Variants in CAP2 observed in about 807,000 individuals in gnomAD.
CAP2 encodes cyclase associated actin cytoskeleton regulatory protein 2.
CAP2 carries 24 observed loss-of-function variants against 57.7 expected under a neutral mutation model. That is an observed-to-expected ratio of 0.42 (90% CI 0.30 to 0.58). The LOEUF (loss-of-function observed/expected upper bound fraction) is 0.58. Ranked by LOEUF, CAP2 falls within the 20% of genes least tolerant of loss-of-function variation. CAP2 has a pLI of 0.22. For missense variants in CAP2, 501 were observed against 590.3 expected, an observed-to-expected ratio of 0.85 and a Z score of 1.57; for synonymous variants, 194 against 207.2, an observed-to-expected ratio of 0.94 and a Z score of 0.55.
At position 17,513,604 on chromosome 6, in the gene CAP2, GGT is replaced by G. The variant is rs1356725714; in HGVS notation, c.531-244_531-243del. 9.9e-5 allele frequency among the ~76,000 whole-genome samples: 15 copies of G among 152,024 alleles called. 1 individual carries two copies. The highest frequency in any genetic ancestry group is 9.8e-4 in the Admixed American group (15 of 15,272). On this transcript the variant is annotated intron_variant, in intron 6 of 12. Coordinates refer to ENST00000229922, the MANE Select transcript of CAP2 (RefSeq NM_006366.3). The surrounding 1 kb of genome is among the most constrained non-coding windows in gnomAD (Gnocchi z 4.3). ...TAGCTCTGTCGGGTCCCCTCTCTGTGGTACCTCTGCTCCATACCCGGAGCTCA... is the reference window on the plus strand; with the variant it reads ...TAGCTCTGTCGGGTCCCCTCTCTGTGACCTCTGCTCCATACCCGGAGCTCA...
At chr6:17,548,291 TG>T (rs2113708573) in intron 11 of CAP2, among the ~76,000 whole-genome samples, 1 of 150,884 alleles carries the variant, frequency 6.6e-6, no homozygotes, top group South Asian at 2.1e-4. Context: ...CGCTTGAACC[TG>T]GGAGGCGGAG....
chr6:17,542,352 C>T (rs1364048752), intron 9 of CAP2, among the ~76,000 whole-genome samples: 1 of 152,170 alleles, frequency 6.6e-6, no homozygotes, highest in Non-Finnish European at 1.5e-5. Flanking sequence ...ATAGACACTT[C>T]AAATGGTAAT....
intron 8 of CAP2, 147 bp downstream of exon 8, chr6:17,539,605 A>C (rs1762852858): frequency 1.5e-6 from 1 of 651,522 alleles, no homozygotes; most frequent in African/African-American, 1.8e-5. Flanking sequence ...CTGGGAAGAC[A>C]GGAGCCTGCC....
At chr6:17,542,461 AC>A (rs137964539) in intron 9 of CAP2, among the ~76,000 whole-genome samples, 24,514 of 152,072 alleles carry the variant, frequency 0.16, 3,179 homozygotes, top group African/African-American at 0.36. Context: ...AAGGGCTTAG[AC>A]CACTGCTGTG....
intron 3 of CAP2, among the ~76,000 whole-genome samples, chr6:17,435,908 T>C (rs1759867634): frequency 6.6e-6 from 1 of 152,138 alleles, no homozygotes; most frequent in South Asian, 2.1e-4. Flanking sequence ...CATAAGCATG[T>C]ATTTTCTATA....
chr6:17,507,617 T>C (rs1242973917), intron 5 of CAP2, 24 bp from the exon 6 acceptor site: 1 of 1,399,364 alleles, frequency 7.1e-7, no homozygotes, highest in African/African-American at 1.4e-5. Flanking sequence ...CTTCTATGCT[T>C]GGGTGACGGT....
At chr6:17,424,174 G>A (rs964206355) in intron 2 of CAP2, among the ~76,000 whole-genome samples, 11 of 152,116 alleles carry the variant, frequency 7.2e-5, no homozygotes, top group African/African-American at 2.4e-4. Context: ...GCCGCGGCGA[G>A]CCGATCACGA....
rs547430447 is a variant in CAP2, at chr6:17,438,698, C to T, written c.222+12008C>T. The stretch of plus-strand genomic sequence containing the variant: ...TTGTGATCCGCCCACCTCGGCCTCC[C>T]AAAGTGCTGGGATTATAGGTGTGAG... On this transcript the variant is annotated intron_variant, in intron 3 of 12. Transcript: ENST00000229922. Among the ~76,000 whole-genome samples, 48 of 148,764 alleles carry T rather than the reference C, an allele frequency of 3.2e-4. 1 individual carries two copies. The highest frequency in any genetic ancestry group is 1.2e-3 in the African/African-American group (47 of 39,806).
intron 7 of CAP2, chr6:17,536,253 AG>A: frequency 2.2e-6 from 1 of 456,764 alleles, no homozygotes; most frequent in Non-Finnish European, 4.4e-6. Flanking sequence ...GAAGAGACGG[AG>A]GCAAAGATAA....
intron 7 of CAP2, among the ~76,000 whole-genome samples, chr6:17,515,054 C>T (rs956587203): frequency 5.9e-5 from 9 of 151,678 alleles, no homozygotes; most frequent in South Asian, 2.1e-4. Flanking sequence ...AAAAAACAGC[C>T]GAGCGTGGTG....
At chr6:17,491,571 A>T (rs1295076015) in intron 4 of CAP2, among the ~76,000 whole-genome samples, 4 of 152,222 alleles carry the variant, frequency 2.6e-5, no homozygotes, top group Non-Finnish European at 5.9e-5. Flanking sequence ...CATAGGAAGA[A>T]TACTGGGGCT....
chr6:17,533,201 G>A (rs983147353), intron 7 of CAP2, among the ~76,000 whole-genome samples: 4 of 151,296 alleles, frequency 2.6e-5, no homozygotes, highest in Non-Finnish European at 5.9e-5. Flanking sequence ...ATGTACATTA[G>A]TATAGAACTA....
chr6:17,520,018 A>T (rs1762354410), intron 7 of CAP2, among the ~76,000 whole-genome samples: 1 of 152,220 alleles, frequency 6.6e-6, no homozygotes, highest in South Asian at 2.1e-4. Context: ...AATTATTTGT[A>T]GAGTAGAATA....
intron 1 of CAP2, among the ~76,000 whole-genome samples, chr6:17,408,794 C>T (rs918592443): frequency 6.6e-6 from 1 of 150,572 alleles, no homozygotes; most frequent in Non-Finnish European, 1.5e-5. Context: ...CCGAGTAGCT[C>T]GAGTAGCTTG....
chr6:17,432,399 C>G (rs1382494271), intron 3 of CAP2, among the ~76,000 whole-genome samples: 1 of 152,178 alleles, frequency 6.6e-6, no homozygotes, highest in Non-Finnish European at 1.5e-5. Context: ...CTCACCTCCC[C>G]ACTCTGCCTT....
intron 7 of CAP2, among the ~76,000 whole-genome samples, chr6:17,517,750 A>C (rs1487190244): frequency 6.6e-6 from 1 of 151,994 alleles, no homozygotes; most frequent in Non-Finnish European, 1.5e-5. Flanking sequence ...AAAATACAAA[A>C]ATTAGCCAGG....
At chr6:17,470,646 GTCACC>G (rs1281267028) in intron 4 of CAP2, among the ~76,000 whole-genome samples, 1 of 152,170 alleles carries the variant, frequency 6.6e-6, no homozygotes, top group Non-Finnish European at 1.5e-5. Context: ...AATGGCCTAT[GTCACC>G]TCACCTTCAT....
chr6:17,524,893 C>CTTTTTTT (rs11325666), intron 7 of CAP2, among the ~76,000 whole-genome samples: 11 of 109,620 alleles, frequency 1.0e-4, no homozygotes, highest in African/African-American at 3.6e-4. Context: ...CTTTTCTTTT[C>CTTTTTTT]TTTTTTTTTT....
At chr6:17,405,498 G>C (rs928861087) in intron 1 of CAP2, among the ~76,000 whole-genome samples, 1 of 148,414 alleles carries the variant, frequency 6.7e-6, no homozygotes, top group African/African-American at 2.5e-5. Flanking sequence ...TGAATGTGGA[G>C]TCTCTCTCTC....
Sources: allele counts gnomAD v4.1 joint callset (sites outside exome capture counted in the v4.1 genomes callset), GRCh38; gene constraint gnomAD v4.1.1; non-coding constraint Gnocchi (gnomAD v3.1); transcripts MANE v1.5; gene names NCBI Gene and HGNC (gene_info 2026-07-23, HGNC 2026-07-21).